The following FRAS1 variants were observed in gnomAD, a reference collection of about 807,000 sequenced individuals.
The protein encoded by FRAS1 is Fraser extracellular matrix complex subunit 1, also known as extracellular matrix organizing protein FRAS1.
Under a neutral mutation model 435.2 loss-of-function variants are expected in FRAS1, and 290 were observed. The ratio of observed to expected loss-of-function variants is 0.67; its 90% CI spans 0.61 to 0.73. The LOEUF (loss-of-function observed/expected upper bound fraction) is 0.73, where lower values mean the gene tolerates loss of function less well. Ranked by LOEUF, FRAS1 falls within the 30% of genes least tolerant of loss-of-function variation. The pLI is 0.00. For missense variants in FRAS1, 4,860 were observed against 5,001.5 expected (o/e 0.97, Z 0.85); for synonymous variants, 1,800 against 1,851.0 (o/e 0.97, Z 0.71).
chr4:78,363,707 G>A, intron 21 of FRAS1, 42 bp downstream of exon 21: 1 of 1,550,804 alleles, frequency 6.4e-7, no homozygotes, highest in Non-Finnish European at 8.7e-7. Context: ...TGCCACCTGA[G>A]GTTCTCTTGG....
At chr4:78,440,738 G>A (rs1460349939) in intron 40 of FRAS1, among the ~76,000 whole-genome samples, 1 of 152,170 alleles carries the variant, frequency 6.6e-6, no homozygotes, top group Non-Finnish European at 1.5e-5. Context: ...TTCTGGATGA[G>A]AATGCCTATA....
At chr4:78,243,969 G>T (rs943040405) in intron 3 of FRAS1, among the ~76,000 whole-genome samples, 5 of 152,056 alleles carry the variant, frequency 3.3e-5, no homozygotes, top group African/African-American at 1.2e-4. Context: ...GACAAGTGTA[G>T]TTTTATCTTG....
chr4:78,490,670 T>A (rs1720321619), intron 59 of FRAS1, among the ~76,000 whole-genome samples: 1 of 152,164 alleles, frequency 6.6e-6, no homozygotes, highest in Admixed American at 6.5e-5. Context: ...AGAGGGAAAT[T>A]TATAGCACTA....
chr4:78,188,170 G>A (rs1335854343), intron 2 of FRAS1, among the ~76,000 whole-genome samples: 1 of 152,064 alleles, frequency 6.6e-6, no homozygotes, highest in Non-Finnish European at 1.5e-5. Context: ...TAGCTGTAGT[G>A]GTATGCATTT....
chr4:78,476,158 T>C (rs1178457266), intron 54 of FRAS1, among the ~76,000 whole-genome samples: 1 of 152,228 alleles, frequency 6.6e-6, no homozygotes, highest in Non-Finnish European at 1.5e-5. Flanking sequence ...AAGGGACATA[T>C]AAGAGGAGCC....
chr4:78,067,668 TTCTTTTA>T (rs1740104871), intron 2 of FRAS1, among the ~76,000 whole-genome samples: 1 of 125,294 alleles, frequency 8.0e-6, no homozygotes, highest in Non-Finnish European at 1.6e-5. Context: ...TTTTTTTTCT[TTCTTTTA>T]TTATTATTAT....
At chr4:78,398,217 A>G (rs1180389782) in intron 29 of FRAS1, among the ~76,000 whole-genome samples, 1 of 152,242 alleles carries the variant, frequency 6.6e-6, no homozygotes, top group Non-Finnish European at 1.5e-5. Flanking sequence ...TGTTATAGAC[A>G]TAAATATTCT....
chr4:78,083,352 T>G (rs1226708121), intron 2 of FRAS1, among the ~76,000 whole-genome samples: 1 of 152,128 alleles, frequency 6.6e-6, no homozygotes, highest in African/African-American at 2.4e-5. Context: ...AAAACAGATC[T>G]GGGAAAGAGT....
chr4:78,159,887 A>T (rs1425073219), intron 2 of FRAS1, among the ~76,000 whole-genome samples: 1 of 152,216 alleles, frequency 6.6e-6, no homozygotes, highest in Non-Finnish European at 1.5e-5. Flanking sequence ...TCTCAAAAAA[A>T]CAAAACAAAA....
chr4:78,179,382 CAGGCA>C (rs1248550135), intron 2 of FRAS1, among the ~76,000 whole-genome samples: 1 of 152,216 alleles, frequency 6.6e-6, no homozygotes, highest in East Asian at 1.9e-4. Flanking sequence ...AGCAGGTAGG[CAGGCA>C]AGTTATGCCA....
At chr4:78,372,670 T>C in intron 23 of FRAS1, 48 bp from the exon 24 acceptor site, 1 of 1,606,904 alleles carries the variant, frequency 6.2e-7, no homozygotes, top group Non-Finnish European at 8.5e-7. Flanking sequence ...CTGCTGGGTC[T>C]GAGGGTGGAC....
At chr4:78,513,969 A>C (rs989980397) in intron 65 of FRAS1, among the ~76,000 whole-genome samples, 1 of 152,226 alleles carries the variant, frequency 6.6e-6, no homozygotes, top group Non-Finnish European at 1.5e-5. Context: ...AGAAAGCTGA[A>C]GTGAAGATGG....
At chr4:78,434,293 T>C (rs1345016955) in intron 38 of FRAS1, among the ~76,000 whole-genome samples, 1 of 152,180 alleles carries the variant, frequency 6.6e-6, no homozygotes, top group East Asian at 1.9e-4. Flanking sequence ...TTCTTAGCAG[T>C]GGTCTTATAT....
intron 25 of FRAS1, among the ~76,000 whole-genome samples, chr4:78,374,686 T>C (rs569628311): frequency 3.6e-4 from 55 of 152,302 alleles, no homozygotes; most frequent in African/African-American, 1.3e-3. Context: ...CACTGGAGCT[T>C]TTATGAAACT....
intron 2 of FRAS1, among the ~76,000 whole-genome samples, chr4:78,137,573 A>T (rs1390655943): frequency 6.6e-6 from 1 of 152,222 alleles, no homozygotes; most frequent in African/African-American, 2.4e-5. Context: ...TGTGATTGAC[A>T]AGGGAAGGTT....
At chr4:78,450,445 TG>T in intron 45 of FRAS1, 106 bp downstream of exon 45, 1 of 874,536 alleles carries the variant, frequency 1.1e-6, no homozygotes, top group East Asian at 2.5e-5. Flanking sequence ...GTGCACTCTT[TG>T]TTTTGAGGAG....
intron 14 of FRAS1, among the ~76,000 whole-genome samples, chr4:78,301,440 G>T (rs538939343): frequency 6.6e-6 from 1 of 152,088 alleles, no homozygotes; most frequent in African/African-American, 2.4e-5. Flanking sequence ...GCAAGTTATA[G>T]TAAGAAATTC....
chr4:78,377,637 A>T (rs900472702), intron 26 of FRAS1, among the ~76,000 whole-genome samples: 5 of 152,226 alleles, frequency 3.3e-5, no homozygotes, highest in African/African-American at 1.2e-4. Flanking sequence ...ATGAATTCTA[A>T]GTATGAGCCC....
chr4:78,466,471 A>G (rs1205473604), intron 50 of FRAS1, 36 bp downstream of exon 50: 2 of 1,470,410 alleles, frequency 1.4e-6, no homozygotes, highest in Non-Finnish European at 1.9e-6. Flanking sequence ...GTAGCCTAGC[A>G]CTGCATGGCA....
Sources: allele counts gnomAD v4.1 joint callset (sites outside exome capture counted in the v4.1 genomes callset), GRCh38; gene constraint gnomAD v4.1.1; transcripts MANE v1.5; gene names NCBI Gene and HGNC (gene_info 2026-07-23, HGNC 2026-07-21).